SEMA6D: variants seen among roughly 807,000 people sequenced by gnomAD.
The protein encoded by SEMA6D is semaphorin-6D.
In SEMA6D, 35 loss-of-function variants were observed where a neutral mutation model predicts 106.6. That is an observed-to-expected ratio of 0.33 (90% CI 0.25 to 0.44). SEMA6D has a LOEUF of 0.44. Among genes scored for constraint, SEMA6D ranks in the 20% least tolerant of loss-of-function variants. SEMA6D has a pLI of 1.00. For missense variants in SEMA6D, 1,185 were observed against 1,345.9 expected, an observed-to-expected ratio of 0.88 and a Z score of 1.87; for synonymous variants, 499 against 487.7, an observed-to-expected ratio of 1.02 and a Z score of -0.31.
At chr15:47,458,289 A>G (rs1776010074) in intron 2 of SEMA6D, among the ~76,000 whole-genome samples, 1 of 115,618 alleles carries the variant, frequency 8.6e-6, no homozygotes, top group South Asian at 3.0e-4. Flanking sequence ...TATTTTAACA[A>G]TTTATTTCAA....
At chr15:47,592,213 C>T (rs766777238) in intron 3 of SEMA6D, among the ~76,000 whole-genome samples, 2 of 152,140 alleles carry the variant, frequency 1.3e-5, no homozygotes, top group African/African-American at 4.8e-5. Context: ...CTTCATACTT[C>T]GTAGGCCACA....
intron 4 of SEMA6D, among the ~76,000 whole-genome samples, chr15:47,640,345 GCTTGT>G (rs935563932): frequency 3.9e-5 from 6 of 152,136 alleles, no homozygotes; most frequent in Non-Finnish European, 5.9e-5. Flanking sequence ...TAAAGAATTG[GCTTGT>G]CTTAAGACAC....
chr15:47,208,642 C>T (rs1051124608), intron 1 of SEMA6D, among the ~76,000 whole-genome samples: 4 of 152,140 alleles, frequency 2.6e-5, no homozygotes, highest in Non-Finnish European at 5.9e-5. Context: ...GTTTTTAAAT[C>T]CCATTAATTG....
intron 4 of SEMA6D, among the ~76,000 whole-genome samples, chr15:47,695,140 T>C (rs2078672267): frequency 6.6e-6 from 1 of 152,200 alleles, no homozygotes; most frequent in African/African-American, 2.4e-5. Flanking sequence ...CTTAATGAAG[T>C]TCCTCATCTG....
At chr15:47,264,491 G>T (rs143494792) in intron 1 of SEMA6D, among the ~76,000 whole-genome samples, 52 of 152,088 alleles carry the variant, frequency 3.4e-4, no homozygotes, top group African/African-American at 1.2e-3. Flanking sequence ...CAAAACAGTT[G>T]TACCATCTTA....
chr15:47,740,502 C>T (rs2080745250), intron 1 of SEMA6D, among the ~76,000 whole-genome samples: 1 of 152,010 alleles, frequency 6.6e-6, no homozygotes, highest in Admixed American at 6.6e-5. Context: ...CCTGGTGACA[C>T]AGCAAGACTC....
At chr15:47,269,269 G>C (rs2034453949) in intron 1 of SEMA6D, among the ~76,000 whole-genome samples, 1 of 151,712 alleles carries the variant, frequency 6.6e-6, no homozygotes, top group Non-Finnish European at 1.5e-5. Context: ...TACATATTTA[G>C]GAGTGTTTAT....
chr15:47,762,897 G>T, intron 8 of SEMA6D, 119 bp from the exon 9 acceptor site: 1 of 695,380 alleles, frequency 1.4e-6, no homozygotes, highest in Non-Finnish European at 2.3e-6. Flanking sequence ...TTGGCAGATT[G>T]GAGTTCTTGT....
intron 3 of SEMA6D, among the ~76,000 whole-genome samples, chr15:47,565,557 A>G (rs1235924896): frequency 6.6e-6 from 1 of 152,246 alleles, no homozygotes; most frequent in Non-Finnish European, 1.5e-5. Flanking sequence ...AATGTATGAT[A>G]CATGCACTCT....
rs573765102 is a variant in SEMA6D, at chr15:47,443,892, T to C, written c.-158-26582T>C. On this transcript the variant is annotated intron_variant, in intron 2 of 19. Coordinates refer to the SEMA6D transcript ENST00000558014. Reference sequence around the variant, plus strand: ...TCTTGGCATATCTAACTAAGAACAGTATATTTTTCTAATAGCTCATCATCA... The same window carrying C: ...TCTTGGCATATCTAACTAAGAACAGCATATTTTTCTAATAGCTCATCATCA... Among the ~76,000 whole-genome samples the C allele has an allele frequency of 2.6e-5, 4 of 152,208 alleles. No individual in the cohort carries two copies. The South Asian group carries it at 6.2e-4, about 24-fold the overall frequency.
At chr15:47,546,276 AC>A (rs2045519478) in intron 3 of SEMA6D, among the ~76,000 whole-genome samples, 1 of 152,100 alleles carries the variant, frequency 6.6e-6, no homozygotes, top group Non-Finnish European at 1.5e-5. Context: ...TATCAGACAT[AC>A]CCCATTTTAT....
At chr15:47,303,915 G>A (rs1057414578) in intron 1 of SEMA6D, among the ~76,000 whole-genome samples, 1 of 152,038 alleles carries the variant, frequency 6.6e-6, no homozygotes, top group Non-Finnish European at 1.5e-5. Context: ...GACAAAATAA[G>A]TTTCCCACCC....
At chr15:47,657,725 T>A (rs1237168477) in intron 4 of SEMA6D, among the ~76,000 whole-genome samples, 22 of 31,444 alleles carry the variant, frequency 7.0e-4, no homozygotes, top group Admixed American at 1.5e-3. Flanking sequence ...ATTTCTTTTT[T>A]TTTTTTTTTT....
At chr15:47,617,342 T>G (rs2077025491) in intron 4 of SEMA6D, among the ~76,000 whole-genome samples, 1 of 152,206 alleles carries the variant, frequency 6.6e-6, no homozygotes, top group African/African-American at 2.4e-5. Context: ...CTAAGGGGAC[T>G]ACGAAAAGTA....
At chr15:47,275,945 T>A (rs943517342) in intron 1 of SEMA6D, among the ~76,000 whole-genome samples, 2 of 152,086 alleles carry the variant, frequency 1.3e-5, no homozygotes, top group African/African-American at 2.4e-5. Context: ...AACACATGAA[T>A]GATATGAAAG....
chr15:47,372,838 T>C (rs752399514), intron 1 of SEMA6D, among the ~76,000 whole-genome samples: 24 of 152,206 alleles, frequency 1.6e-4, no homozygotes, highest in Admixed American at 1.5e-3. Flanking sequence ...CCACTGCTAA[T>C]TCTAGTCGAT....
At chr15:47,710,885 T>C (rs1053269313) in intron 4 of SEMA6D, among the ~76,000 whole-genome samples, 17 of 152,170 alleles carry the variant, frequency 1.1e-4, no homozygotes, top group Non-Finnish European at 2.2e-4. Context: ...TTTCAGCATA[T>C]ATCACAATTC....
At chr15:47,441,307 G>T (rs1171683750) in intron 2 of SEMA6D, among the ~76,000 whole-genome samples, 1 of 152,046 alleles carries the variant, frequency 6.6e-6, no homozygotes, top group Non-Finnish European at 1.5e-5. Context: ...TGAAAGACAA[G>T]TTAAACAGAG....
chr15:47,283,274 G>A (rs1203555702), intron 1 of SEMA6D, among the ~76,000 whole-genome samples: 1 of 152,050 alleles, frequency 6.6e-6, no homozygotes, highest in African/African-American at 2.4e-5. Context: ...AAGTATATGC[G>A]TACATGTGTG....
Sources: allele counts gnomAD v4.1 joint callset (sites outside exome capture counted in the v4.1 genomes callset), GRCh38; gene constraint gnomAD v4.1.1; transcripts MANE v1.5; gene names NCBI Gene and HGNC (gene_info 2026-07-23, HGNC 2026-07-21).